Variants in DCDC1 observed in about 807,000 individuals in gnomAD.
DCDC1 encodes the protein doublecortin domain containing 1.
A neutral mutation model predicts 178.3 loss-of-function variants in DCDC1; 200 were observed. The observed-to-expected ratio is 1.12, with a 90% CI of 1.00 to 1.26. The LOEUF (loss-of-function observed/expected upper bound fraction) is 1.26. Ranked by LOEUF, DCDC1 falls within the 50% of genes most tolerant of loss-of-function variation. The pLI is 0.00. For synonymous variants in DCDC1, 690 were observed against 604.8 expected (o/e 1.14, Z -2.07); for missense variants, 1,983 against 1,749.2 (o/e 1.13, Z -2.38).
chr11:31,149,138 A>C (rs1209090993), intron 9 of DCDC1, among the ~76,000 whole-genome samples: 1 of 152,158 alleles, frequency 6.6e-6, no homozygotes, highest in Non-Finnish European at 1.5e-5. Context: ...TAATCCACTC[A>C]TTGGTTGATG....
intron 7 of DCDC1, 146 bp downstream of exon 7, chr11:31,290,501 T>G: frequency 1.2e-6 from 1 of 808,508 alleles, no homozygotes; most frequent in Non-Finnish European, 1.9e-6. Flanking sequence ...TATAAACAGG[T>G]TTATACAGAA....
intron 2 of DCDC1, among the ~76,000 whole-genome samples, chr11:31,329,296 G>A (rs1949829415): frequency 6.6e-6 from 1 of 152,084 alleles, no homozygotes; most frequent in Admixed American, 6.6e-5. Flanking sequence ...TTGAATCCCT[G>A]AGACCAGCTA....
At chr11:31,256,993 C>A (rs1244518033) in intron 8 of DCDC1, among the ~76,000 whole-genome samples, 1 of 152,142 alleles carries the variant, frequency 6.6e-6, no homozygotes, top group East Asian at 1.9e-4. Context: ...TGAACTTCAC[C>A]TGAAACTTCA....
rs766527227 is a variant in DCDC1, at chr11:31,133,352, A to C, written c.1314+4340T>G. 2.0e-5 allele frequency among the ~76,000 whole-genome samples: 3 copies of C among 152,204 alleles called. No individual in the cohort carries two copies. In the East Asian group the frequency reaches 5.8e-4, roughly 29 times the overall value. On this transcript the variant is annotated intron_variant, in intron 10 of 38. Transcript: ENST00000684477. ...GTCATCTAGGCATGTAACACACGGA[A>C]TGGTCTCAAAGCCAGGTCAGCACTT...
chr11:31,344,099 A>C (rs1452880817), intron 1 of DCDC1, among the ~76,000 whole-genome samples: 2 of 152,214 alleles, frequency 1.3e-5, no homozygotes, highest in African/African-American at 4.8e-5. Context: ...GCTAAGTAGA[A>C]TATGCAAAAT....
At chr11:30,906,409 G>T in intron 30 of DCDC1, 131 bp downstream of exon 30, 1 of 885,540 alleles carries the variant, frequency 1.1e-6, no homozygotes, top group Non-Finnish European at 1.7e-6. Flanking sequence ...CAGGTAGAAT[G>T]GTAAAGGTGC....
chr11:31,202,191 G>A (rs10835752), intron 9 of DCDC1, among the ~76,000 whole-genome samples: 40,068 of 152,070 alleles, frequency 0.26, 5,432 homozygotes, highest in African/African-American at 0.32. Flanking sequence ...GCAGTCACAA[G>A]TCTGGCATGG....
intron 21 of DCDC1, among the ~76,000 whole-genome samples, chr11:30,950,233 C>T (rs12279921): frequency 6.6e-6 from 1 of 152,070 alleles, no homozygotes; most frequent in South Asian, 2.1e-4. Context: ...CCCACCAACC[C>T]TACACTGTTG....
intron 21 of DCDC1, among the ~76,000 whole-genome samples, chr11:30,946,724 C>T (rs541024095): frequency 1.3e-5 from 2 of 152,308 alleles, no homozygotes; most frequent in Admixed American, 6.5e-5. Flanking sequence ...TGACTCTCTG[C>T]TGCAAACAAC....
chr11:30,940,262 C>A (rs1010430528), intron 21 of DCDC1, among the ~76,000 whole-genome samples: 10 of 152,054 alleles, frequency 6.6e-5, no homozygotes, highest in African/African-American at 1.9e-4. Flanking sequence ...ATCAGGCCTC[C>A]CAGACAGCAT....
chr11:31,107,011 A>C (rs1958894296), intron 12 of DCDC1, 51 bp from the exon 13 acceptor site: 1 of 702,138 alleles, frequency 1.4e-6, no homozygotes, highest in African/African-American at 1.8e-5. Context: ...AAATAACCTA[A>C]AATGGGAACA....
intron 9 of DCDC1, among the ~76,000 whole-genome samples, chr11:31,187,491 C>A (rs1353390983): frequency 1.3e-5 from 2 of 151,608 alleles, no homozygotes; most frequent in African/African-American, 4.9e-5. Context: ...TTCCTGAAAG[C>A]AAAACAAACA....
intron 20 of DCDC1, among the ~76,000 whole-genome samples, chr11:31,034,690 TGTAA>T (rs934206842): frequency 6.6e-6 from 1 of 152,230 alleles, no homozygotes; most frequent in African/African-American, 2.4e-5. Flanking sequence ...TTGAGGTTTG[TGTAA>T]GTACACTCTA....
At chr11:31,102,508 T>C (rs763165584) in intron 14 of DCDC1, among the ~76,000 whole-genome samples, 10 of 152,178 alleles carry the variant, frequency 6.6e-5, no homozygotes, top group Non-Finnish European at 1.5e-4. Context: ...TAGCAATAGG[T>C]TGTCACTGGC....
intron 20 of DCDC1, among the ~76,000 whole-genome samples, chr11:30,964,583 C>A (rs759674379): frequency 3.9e-5 from 6 of 152,082 alleles, no homozygotes; most frequent in Non-Finnish European, 8.8e-5. Context: ...CTGATGATAA[C>A]CAAGTACAAG....
intron 9 of DCDC1, among the ~76,000 whole-genome samples, chr11:31,179,280 A>T (rs939194542): frequency 6.6e-6 from 1 of 152,190 alleles, no homozygotes; most frequent in African/African-American, 2.4e-5. Flanking sequence ...GTTCCTCAAA[A>T]TATTAAACAT....
chr11:31,211,735 A>G (rs1972557433), intron 9 of DCDC1, among the ~76,000 whole-genome samples: 1 of 152,092 alleles, frequency 6.6e-6, no homozygotes, highest in African/African-American at 2.4e-5. Context: ...TTTACGTTCC[A>G]TATAACGTGT....
At chr11:31,280,613 A>C in intron 7 of DCDC1, 1 of 413,996 alleles carries the variant, frequency 2.4e-6, no homozygotes, top group Non-Finnish European at 4.6e-6. Flanking sequence ...TATGGTATAC[A>C]TAAAAAAGTC....
chr11:31,009,141 C>T (rs1321249488), intron 20 of DCDC1, among the ~76,000 whole-genome samples: 6 of 152,042 alleles, frequency 3.9e-5, no homozygotes, highest in African/African-American at 1.4e-4. Context: ...TTATTTTCTT[C>T]AAAGAAAAAG....
Sources: gnomAD v4.1 joint callset for allele counts (sites outside exome capture counted in the v4.1 genomes callset) on GRCh38, gnomAD v4.1.1 for gene constraint, MANE v1.5 for transcripts, NCBI Gene and HGNC (gene_info 2026-07-23, HGNC 2026-07-21) for gene names.